TMEM132C: variants seen among roughly 807,000 people sequenced by gnomAD.
TMEM132C encodes protein phosphatase 1, regulatory subunit 152.
TMEM132C carries 29 observed loss-of-function variants against 61.4 expected under a neutral mutation model. The ratio of observed to expected loss-of-function variants is 0.47; its 90% CI spans 0.35 to 0.64. TMEM132C has a LOEUF of 0.64. TMEM132C is among the 30% of genes least tolerant of loss of function. The pLI is 0.00. For synonymous variants in TMEM132C, 656 were observed against 633.1 expected (o/e 1.04, Z -0.54); for missense variants, 1,408 against 1,476.9 (o/e 0.95, Z 0.76).
At chr12:128,582,551 A>T (rs534976796) in intron 3 of TMEM132C, among the ~76,000 whole-genome samples, 7 of 151,744 alleles carry the variant, frequency 4.6e-5, no homozygotes, top group Admixed American at 1.3e-4. Context: ...TTGGTGGGAG[A>T]TAACTGAATC....
chr12:128,494,248 T>C (rs924856962), intron 2 of TMEM132C, among the ~76,000 whole-genome samples: 1 of 152,224 alleles, frequency 6.6e-6, no homozygotes, highest in African/African-American at 2.4e-5. Context: ...TGGATTCGGT[T>C]TGCCAGTATT....
chr12:128,636,143 T>TG (rs1264353105), intron 4 of TMEM132C, among the ~76,000 whole-genome samples: 1 of 152,064 alleles, frequency 6.6e-6, no homozygotes, highest in East Asian at 1.9e-4. Flanking sequence ...CTTGACCTCC[T>TG]GGGCTCAAGC....
rs555500664 is a variant in TMEM132C, at chr12:128,506,900, T to G, written c.975-37057T>G. The stretch of plus-strand genomic sequence containing the variant: ...GTGTGACCACGACCTCAGACTCAAT[T>G]CTGAAACTTTGCTGTAGCTGATGGG... On this transcript the variant is annotated intron_variant, in intron 2 of 8. Coordinates refer to ENST00000435159, the MANE Select transcript of TMEM132C (RefSeq NM_001136103.3). Among the ~76,000 whole-genome samples the G allele has an allele frequency of 1.1e-4, 17 of 152,252 alleles. No individual in the cohort carries two copies. In the South Asian group the frequency reaches 3.5e-3, roughly 32 times the overall value.
At chr12:128,420,064 CG>C (rs1868935891) in intron 2 of TMEM132C, among the ~76,000 whole-genome samples, 1 of 151,938 alleles carries the variant, frequency 6.6e-6, no homozygotes, top group Admixed American at 6.6e-5. Flanking sequence ...GGCATGATGG[CG>C]GGCACAGGTA....
chr12:128,379,814 G>A (rs1168366570), intron 1 of TMEM132C, among the ~76,000 whole-genome samples: 1 of 152,162 alleles, frequency 6.6e-6, no homozygotes, highest in Non-Finnish European at 1.5e-5. Flanking sequence ...TATGCTTTTA[G>A]CGACCAGCAT....
At chr12:128,331,851 T>C (rs1872672505) in intron 1 of TMEM132C, among the ~76,000 whole-genome samples, 1 of 152,194 alleles carries the variant, frequency 6.6e-6, no homozygotes, top group Non-Finnish European at 1.5e-5. Flanking sequence ...CTCCATACTG[T>C]TTTTCGTAGA....
At position 128,705,710 on chromosome 12, in the gene TMEM132C, G is replaced by C; in HGVS notation, c.2742G>C (p.Val914=). The C allele has an allele frequency of 1.9e-6, 3 of 1,551,484 alleles. No homozygotes were observed. The highest frequency in any genetic ancestry group is 2.6e-6 in the Non-Finnish European group (3 of 1,146,980). The part of the protein sequence containing the change: ...AGSGLEENDL[V]QTPRGLSDLE... Reference sequence around the variant, plus strand: ...GTGGGCTGGAGGAAAACGACCTGGTGCAGACTCCGCGGGGCCTGAGTGATC... The same window carrying C: ...GTGGGCTGGAGGAAAACGACCTGGTCCAGACTCCGCGGGGCCTGAGTGATC... Residue 914 remains valine (V), a synonymous_variant, in exon 9 of 9, where the codon GTG becomes GTC. Transcript: ENST00000435159.
intron 2 of TMEM132C, among the ~76,000 whole-genome samples, chr12:128,481,585 A>G (rs531238897): frequency 6.6e-6 from 1 of 152,354 alleles, no homozygotes; most frequent in Admixed American, 6.5e-5. Flanking sequence ...TGTGCAGTTC[A>G]TGGCTCCAAG....
intron 3 of TMEM132C, among the ~76,000 whole-genome samples, chr12:128,600,667 G>T (rs186279385): frequency 2.0e-5 from 3 of 152,078 alleles, no homozygotes; most frequent in African/African-American, 7.2e-5. Context: ...CAGTCTCCTC[G>T]CGTGTCTTTA....
intron 1 of TMEM132C, among the ~76,000 whole-genome samples, chr12:128,334,039 G>A (rs1872732868): frequency 6.6e-6 from 1 of 152,000 alleles, no homozygotes; most frequent in Non-Finnish European, 1.5e-5. Context: ...GTGGGAGCGA[G>A]GGAGGAAGGC....
At chr12:128,448,918 A>T (rs1025279278) in intron 2 of TMEM132C, among the ~76,000 whole-genome samples, 4 of 152,022 alleles carry the variant, frequency 2.6e-5, no homozygotes, top group African/African-American at 9.7e-5. Flanking sequence ...CGGGCGGATC[A>T]CGAGGTCAGG....
At position 128,706,138 on chromosome 12, in the gene TMEM132C, C is replaced by G; in HGVS notation, c.3170C>G (p.Thr1057Ser). 6.4e-7 allele frequency: 1 copy of G among 1,551,752 alleles called. No homozygotes were observed. Among genetic ancestry groups the G allele is most frequent in the Non-Finnish European group, 8.7e-7 (1 of 1,147,006 alleles). Residue 1057 changes from threonine to serine, a missense_variant, in exon 9 of 9, where the codon ACC becomes AGC. Transcript: ENST00000435159. ...TCCAAGAGGAAGAAGGTGAAATTTA[C>G]CACCTTTACCACCATCCCCCCGGAC... Reference protein sequence around the residue: ...PTSKRKKVKFTTFTTIPPDDS... With the variant: ...PTSKRKKVKFSTFTTIPPDDS...
At chr12:128,469,083 G>A (rs1036351536) in intron 2 of TMEM132C, among the ~76,000 whole-genome samples, 1 of 152,100 alleles carries the variant, frequency 6.6e-6, no homozygotes, top group African/African-American at 2.4e-5. Flanking sequence ...CAGACTTGTA[G>A]GGGAAGCAAA....
chr12:128,549,526 A>T (rs1593096432), intron 3 of TMEM132C, among the ~76,000 whole-genome samples: 3 of 152,130 alleles, frequency 2.0e-5, no homozygotes, highest in Admixed American at 2.0e-4. Context: ...TCGTTTCTTC[A>T]ACAAATTATG....
intron 1 of TMEM132C, among the ~76,000 whole-genome samples, chr12:128,332,007 C>G (rs1277076467): frequency 6.6e-6 from 1 of 151,728 alleles, no homozygotes; most frequent in Admixed American, 6.6e-5. Flanking sequence ...TAGTTTCAAG[C>G]TCAAGCCCTG....
rs537053675 is a variant in TMEM132C, at chr12:128,301,971, GACTT to G, written c.85+34492_85+34495del. On this transcript the variant is annotated intron_variant, in intron 1 of 8. Coordinates refer to ENST00000435159, the MANE Select transcript of TMEM132C (RefSeq NM_001136103.3). The stretch of plus-strand genomic sequence containing the variant: ...CTTATAAAACCATCAGATCTCATGA[GACTT>G]ACTTACTACCACGAGAACTGTATGG... Among the ~76,000 whole-genome samples the G allele has an allele frequency of 1.4e-4, 21 of 152,308 alleles. 1 individual carries two copies. In the South Asian group the frequency reaches 3.1e-3, roughly 23 times the overall value.
At chr12:128,581,726 A>G (rs1162824593) in intron 3 of TMEM132C, among the ~76,000 whole-genome samples, 1 of 152,244 alleles carries the variant, frequency 6.6e-6, no homozygotes, top group Non-Finnish European at 1.5e-5. Context: ...GCTCTGGTTC[A>G]GGGCGATCTA....
intron 1 of TMEM132C, among the ~76,000 whole-genome samples, chr12:128,350,753 G>A (rs762006166): frequency 5.3e-5 from 8 of 151,648 alleles, no homozygotes; most frequent in Non-Finnish European, 1.2e-4. Context: ...TTAGCTGAGC[G>A]CTCGACCACC....
intron 1 of TMEM132C, among the ~76,000 whole-genome samples, chr12:128,355,937 T>TAGG (rs1873489455): frequency 6.6e-6 from 1 of 152,140 alleles, no homozygotes; most frequent in Non-Finnish European, 1.5e-5. Context: ...CACCATCCTG[T>TAGG]CACGGTGTAT....
Sources: gnomAD v4.1 joint callset for allele counts (sites outside exome capture counted in the v4.1 genomes callset) on GRCh38, gnomAD v4.1.1 for gene constraint, MANE v1.5 for transcripts, NCBI Gene and HGNC (gene_info 2026-07-23, HGNC 2026-07-21) for gene names.